STOX2: variants seen among roughly 807,000 people sequenced by gnomAD.
STOX2 encodes storkhead-box protein 2.
A neutral mutation model predicts 60.9 loss-of-function variants in STOX2; 28 were observed. The ratio of observed to expected loss-of-function variants is 0.46; its 90% CI spans 0.34 to 0.63. The LOEUF (loss-of-function observed/expected upper bound fraction) is 0.63. Ranked by LOEUF, STOX2 falls within the 30% of genes least tolerant of loss-of-function variation. The pLI is 0.01. For missense variants in STOX2, 1,024 were observed against 1,187.7 expected (o/e 0.86, Z 2.03); for synonymous variants, 472 against 463.9 (o/e 1.02, Z -0.22).
At chr4:183,989,169 G>GTTTTTTTTTTTTTTTTTTTTTTTTTTT (rs11421201) in intron 1 of STOX2, among the ~76,000 whole-genome samples, 1 of 80,012 alleles carries the variant, frequency 1.2e-5, no homozygotes, top group Non-Finnish European at 2.3e-5. Context: ...ATTTTTTCTG[G>GTTTTTTTTTTTTTTTTTTTTTTTTTTT]TTTTTTTTTT....
Position 184,009,467 on chromosome 4 carries a change from A to G in STOX2, c.629A>G (p.His210Arg), listed in dbSNP as rs754246761. ...HCCREDVHSTHAPTLQRKSAK... is the reference protein window; with the variant it reads ...HCCREDVHSTRAPTLQRKSAK... ...TGCAGAGAAGACGTGCACAGCACGC[A>G]TGCACCCACCCTGCAAAGGAAGTCT... is the stretch of plus-strand genomic sequence containing the variant. The change falls in exon 3 of 4, where the codon CAT becomes CGT. Residue 210 changes from histidine to arginine, a missense_variant. By Grantham distance (29) the His-to-Arg change is conservative (BLOSUM62 0). Coordinates refer to ENST00000308497, the MANE Select transcript of STOX2 (RefSeq NM_020225.3). The surrounding 1 kb of genome is among the most constrained non-coding windows in gnomAD (Gnocchi z 4.0). The G allele has an allele frequency of 6.2e-7, 1 of 1,614,034 alleles. No individual in the cohort carries two copies.
chr4:183,798,904 GTTTTTGTACTAT>G (rs1561096618), intron 1 of STOX2: 8 of 750,624 alleles, frequency 1.1e-5, no homozygotes, highest in Non-Finnish European at 1.3e-5. Context: ...TATACTTTGA[GTTTTTGTACTAT>G]TACATAGTAA....
At chr4:183,803,512 T>A (rs1255750637) in intron 1 of STOX2, among the ~76,000 whole-genome samples, 2 of 152,218 alleles carry the variant, frequency 1.3e-5, no homozygotes, top group Non-Finnish European at 2.9e-5. Context: ...TAACAATTGT[T>A]TTAAAGCCTT....
intron 1 of STOX2, among the ~76,000 whole-genome samples, chr4:183,834,571 A>G (rs545139288): frequency 6.6e-6 from 1 of 152,244 alleles, no homozygotes; most frequent in African/African-American, 2.4e-5. Context: ...CATTTATATA[A>G]GGGAAGGAAG....
intron 1 of STOX2, among the ~76,000 whole-genome samples, chr4:183,842,283 C>T (rs1739880531): frequency 6.6e-6 from 1 of 152,168 alleles, no homozygotes; most frequent in Admixed American, 6.5e-5. Flanking sequence ...CGTGGCTAAA[C>T]TCATTTTTCA....
chr4:183,840,155 T>G (rs889811563), intron 1 of STOX2, among the ~76,000 whole-genome samples: 1 of 152,184 alleles, frequency 6.6e-6, no homozygotes. Context: ...GAAAACAAAA[T>G]TGATAATGTA....
At chr4:183,867,796 G>T (rs556307545) in intron 1 of STOX2, among the ~76,000 whole-genome samples, 2 of 152,204 alleles carry the variant, frequency 1.3e-5, no homozygotes, top group African/African-American at 4.8e-5. Context: ...CAAAGGTTGA[G>T]TAGCTTCTCC....
intron 1 of STOX2, among the ~76,000 whole-genome samples, chr4:183,971,878 G>A (rs1743752451): frequency 6.6e-6 from 1 of 152,144 alleles, no homozygotes; most frequent in African/African-American, 2.4e-5. Context: ...TGGGCAGAAT[G>A]CATGGTGCAG....
rs536504520 is a variant in STOX2, at chr4:183,991,720, G to A, written c.167-9605G>A. ...ATTACAAGCATGAGCCACCGCGCCC[G>A]GCCAGGGAAGATATTTTTAATACTA... On this transcript the variant is annotated intron_variant, in intron 1 of 3. Coordinates refer to ENST00000308497, the MANE Select transcript of STOX2 (RefSeq NM_020225.3). Among the ~76,000 whole-genome samples the A allele has an allele frequency of 4.7e-4, 71 of 152,154 alleles. 1 individual carries two copies. Among genetic ancestry groups the A allele is most frequent in the African/African-American group, 1.4e-3 (60 of 41,514 alleles).
Position 183,820,143 on chromosome 4 carries a change from T to C in STOX2, c.364+22088T>C, listed in dbSNP as rs562139725. 5.9e-5 allele frequency among the ~76,000 whole-genome samples: 9 copies of C among 152,340 alleles called. No individual in the cohort carries two copies. In the East Asian group the frequency reaches 1.7e-3, roughly 29 times the overall value. ...TTTCACCATGTTGGCCGGGCTGGTC[T>C]CGAACTCCTGACCTCAAGTGATCCT... On this transcript the variant is annotated intron_variant, in intron 1 of 2. Transcript: ENST00000513034.
chr4:184,009,944 A>G lies in STOX2; in HGVS notation c.1106A>G (p.Lys369Arg), dbSNP rs1734067154. The G allele has an allele frequency of 6.2e-7, 1 of 1,613,554 alleles. No individual in the cohort carries two copies. Among genetic ancestry groups the G allele is most frequent in the African/African-American group, 1.3e-5 (1 of 74,924 alleles). Residue 369 changes from lysine to arginine, a missense_variant, in exon 3 of 4, where the codon AAG becomes AGG. Around this residue, in one of 3 missense-constraint regions of STOX2, gnomAD observed 922 missense variants for 1,058.3 expected, o/e 0.87. Transcript: ENST00000308497. This position sits in a 1 kb window ranked among gnomAD's most constrained non-coding sequence, Gnocchi z 4.0. ...KSRTHRKSHG[K>R]SRSHSKTRVS... ...AGGACTCATCGGAAGTCCCATGGAAAGTCTCGGTCTCACAGCAAGACACGG... is the reference window on the plus strand; with the variant it reads ...AGGACTCATCGGAAGTCCCATGGAAGGTCTCGGTCTCACAGCAAGACACGG...
chr4:183,801,127 G>A (rs765640404), intron 1 of STOX2, among the ~76,000 whole-genome samples: 24 of 152,246 alleles, frequency 1.6e-4, no homozygotes, highest in Non-Finnish European at 2.9e-4. Context: ...TGGACAACAA[G>A]GAGATAATTA....
intron 1 of STOX2, among the ~76,000 whole-genome samples, chr4:183,805,072 T>G (rs1170407317): frequency 6.6e-6 from 1 of 152,214 alleles, no homozygotes; most frequent in African/African-American, 2.4e-5. Flanking sequence ...GTCGATCATA[T>G]ATTTTGCGGT....
chr4:184,011,352 C>T lies in STOX2; in HGVS notation c.2514C>T (p.Ala838=). 2 of 1,614,006 alleles carry T rather than the reference C, an allele frequency of 1.2e-6. No homozygotes were observed. The highest frequency in any genetic ancestry group is 1.7e-6 in the Non-Finnish European group (2 of 1,179,886). ...CCGACAGCAGCAGCAACCAGAGAGC[C>T]ACCCATTCAGCCCGGCTCGACAGCA... ...KETDSSSNQR[A]THSARLDSMD... The change falls in exon 3 of 4, where the codon GCC becomes GCT. Residue 838 remains alanine (A), a synonymous_variant. Coordinates refer to ENST00000308497, the MANE Select transcript of STOX2 (RefSeq NM_020225.3). This position sits in a 1 kb window ranked among gnomAD's most constrained non-coding sequence, Gnocchi z 4.4.
chr4:183,951,193 C>CGACA (rs1743076083), intron 1 of STOX2, among the ~76,000 whole-genome samples: 1 of 143,376 alleles, frequency 7.0e-6, no homozygotes, highest in Non-Finnish European at 1.5e-5. Context: ...CCAGCCTGGG[C>CGACA]GACAGAGCGA....
chr4:183,957,908 C>T (rs1000224781), intron 1 of STOX2, among the ~76,000 whole-genome samples: 2 of 150,514 alleles, frequency 1.3e-5, no homozygotes. Context: ...GAATAAGGCA[C>T]CCTGGTTTCT....
chr4:183,938,583 T>A (rs1579441656), intron 1 of STOX2, among the ~76,000 whole-genome samples: 1 of 146,570 alleles, frequency 6.8e-6, no homozygotes, highest in Non-Finnish European at 1.5e-5. Context: ...GCAGGAGAAT[T>A]GCTTGAACCC....
chr4:184,009,936 C>A lies in STOX2; in HGVS notation c.1098C>A (p.Ser366=), dbSNP rs1395868348. 1 of 1,613,426 alleles carries A rather than the reference C, an allele frequency of 6.2e-7. No homozygotes were observed. The highest frequency in any genetic ancestry group is 2.2e-5 in the East Asian group (1 of 44,868). ...AAAAGAGTAGGACTCATCGGAAGTC[C>A]CATGGAAAGTCTCGGTCTCACAGCA... The part of the protein sequence containing the change: ...RSKKSRTHRK[S]HGKSRSHSKT... The change falls in exon 3 of 4, where the codon TCC becomes TCA. Residue 366 remains serine, a synonymous_variant. Transcript: ENST00000308497. This position sits in a 1 kb window ranked among gnomAD's most constrained non-coding sequence, Gnocchi z 4.0.
At chr4:183,985,621 C>T (rs1732809217) in intron 1 of STOX2, among the ~76,000 whole-genome samples, 1 of 152,168 alleles carries the variant, frequency 6.6e-6, no homozygotes, top group Non-Finnish European at 1.5e-5. Flanking sequence ...ATTATGACTA[C>T]ATTTTTATTT....
Sources: allele counts gnomAD v4.1 joint callset (sites outside exome capture counted in the v4.1 genomes callset), GRCh38; gene constraint gnomAD v4.1.1; regional missense constraint gnomAD v4.1.1; non-coding constraint Gnocchi (gnomAD v3.1); transcripts MANE v1.5; gene names NCBI Gene and HGNC (gene_info 2026-07-23, HGNC 2026-07-21).